Variants in ZMYM2 observed in about 807,000 individuals in gnomAD.
ZMYM2 encodes zinc finger MYM-type containing 2, also known as zinc finger MYM-type protein 2.
A neutral mutation model predicts 162.8 loss-of-function variants in ZMYM2; 56 were observed. That is an observed-to-expected ratio of 0.34 (90% CI 0.28 to 0.43). The LOEUF is 0.43. Ranked by LOEUF, ZMYM2 falls within the 20% of genes least tolerant of loss-of-function variation. The pLI is 1.00. For synonymous variants in ZMYM2, 510 were observed against 541.6 expected, an observed-to-expected ratio of 0.94 and a Z score of 0.81; for missense variants, 1,275 against 1,621.8, an observed-to-expected ratio of 0.79 and a Z score of 3.67.
intron 11 of ZMYM2, 134 bp downstream of exon 11, chr13:20,034,538 T>C: frequency 1.2e-6 from 1 of 807,430 alleles, no homozygotes; most frequent in East Asian, 3.0e-5. Context: ...TTCTACTGAC[T>C]TGTTTCGTTA....
chr13:19,981,332 C>G (rs564472712), intron 2 of ZMYM2, among the ~76,000 whole-genome samples: 1 of 152,122 alleles, frequency 6.6e-6, no homozygotes, highest in Admixed American at 6.5e-5. Flanking sequence ...AAACCCCAAA[C>G]CACATATTTG....
chr13:20,067,817 T>C (rs1246854259), intron 21 of ZMYM2, among the ~76,000 whole-genome samples: 1 of 152,212 alleles, frequency 6.6e-6, no homozygotes, highest in East Asian at 1.9e-4. Flanking sequence ...GAATTTGTTT[T>C]CTACAGTAAA....
intron 12 of ZMYM2, among the ~76,000 whole-genome samples, chr13:20,045,285 A>G (rs17075480): frequency 0.038 from 5,758 of 152,234 alleles, 369 homozygotes; most frequent in African/African-American, 0.13. Context: ...TAAAAAAAGG[A>G]AGATGCTTTC....
intron 1 of ZMYM2, among the ~76,000 whole-genome samples, chr13:19,959,469 G>A (rs1252089180): frequency 6.6e-6 from 1 of 152,134 alleles, no homozygotes; most frequent in Non-Finnish European, 1.5e-5. Flanking sequence ...GGCGGACGGG[G>A]AGGCAGCGCT....
Position 20,066,900 on chromosome 13 carries a change from C to T in ZMYM2, c.3182C>T (p.Ser1061Phe), listed in dbSNP as rs377391104. The change falls in exon 20 of 25, where the codon TCT becomes TTT. Residue 1061 changes from serine (S) to phenylalanine (F), a missense_variant. By Grantham distance (155) the Ser-to-Phe change is radical. Around this residue, in one of 10 missense-constraint regions of ZMYM2, gnomAD observed 229 missense variants for 283.8 expected, o/e 0.81. Transcript: ENST00000610343. ...VSGYQSHDDSSDNSECSFPFK... is the reference protein window; with the variant it reads ...VSGYQSHDDSFDNSECSFPFK... ...GGATACCAGTCTCATGATGATAGTT[C>T]TGACAATTCAGAATGCAGCTTTCCT... 6.2e-7 allele frequency: 1 copy of T among 1,612,570 alleles called. No individual in the cohort carries two copies. The highest frequency in any genetic ancestry group is 8.5e-7 in the Non-Finnish European group (1 of 1,179,150).
chr13:19,984,604 G>A (rs906993859), intron 2 of ZMYM2, among the ~76,000 whole-genome samples: 3 of 152,290 alleles, frequency 2.0e-5, no homozygotes, highest in South Asian at 4.1e-4. Context: ...GAAGAGTGGC[G>A]GCTACATGGA....
chr13:19,997,022 G>A (rs555001676), intron 3 of ZMYM2, among the ~76,000 whole-genome samples: 264 of 152,288 alleles, frequency 1.7e-3, no homozygotes, highest in Middle Eastern at 3.4e-3. Flanking sequence ...AGCAGCCTGC[G>A]CAACACAGTG....
At chr13:20,008,105 A>G (rs983701377) in intron 6 of ZMYM2, among the ~76,000 whole-genome samples, 2 of 152,100 alleles carry the variant, frequency 1.3e-5, no homozygotes, top group Admixed American at 6.6e-5. Context: ...GAGAGAGATT[A>G]ATTATAACTA....
intron 6 of ZMYM2, among the ~76,000 whole-genome samples, chr13:20,011,223 G>A (rs893814927): frequency 4.6e-5 from 7 of 152,018 alleles, no homozygotes; most frequent in African/African-American, 7.2e-5. Context: ...CTTTTGTTCC[G>A]GAGTTGAAGA....
intron 6 of ZMYM2, among the ~76,000 whole-genome samples, chr13:20,012,146 A>G (rs1951250995): frequency 6.6e-6 from 1 of 151,288 alleles, no homozygotes; most frequent in Admixed American, 6.6e-5. Context: ...TTGGCCTCCC[A>G]AAGTGTGAAA....
chr13:20,057,624 CTG>C (rs1012326258), intron 14 of ZMYM2, among the ~76,000 whole-genome samples: 16 of 152,136 alleles, frequency 1.1e-4, no homozygotes, highest in African/African-American at 3.1e-4. Context: ...TGCATTATAT[CTG>C]TACTGTGAGT....
the ZMYM2 span, among the ~76,000 whole-genome samples, chr13:19,886,746 T>G: frequency 6.6e-6 from 1 of 151,710 alleles, no homozygotes; most frequent in Admixed American, 6.6e-5. Flanking sequence ...CCCTCCCAGG[T>G]TCAAGTGATT....
chr13:20,039,023 T>G (rs1953989778), intron 12 of ZMYM2, among the ~76,000 whole-genome samples: 1 of 152,216 alleles, frequency 6.6e-6, no homozygotes, highest in African/African-American at 2.4e-5. Context: ...CCAGGCATTT[T>G]ATTCTTTTTG....
At chr13:20,055,630 C>G (rs1955733925) in intron 14 of ZMYM2, among the ~76,000 whole-genome samples, 1 of 152,038 alleles carries the variant, frequency 6.6e-6, no homozygotes, top group South Asian at 2.1e-4. Flanking sequence ...TTATAATGTT[C>G]TTGGTGTAAG....
chr13:20,049,096 G>T (rs1403563166), intron 12 of ZMYM2, among the ~76,000 whole-genome samples: 1 of 151,848 alleles, frequency 6.6e-6, no homozygotes, highest in Non-Finnish European at 1.5e-5. Flanking sequence ...ATGAGTGGAT[G>T]TCAAAGAAAC....
Position 20,005,225 on chromosome 13 carries a change from G to A in ZMYM2, c.1285G>A (p.Gly429Ser). ...AAATAAATCAAGATGTACAATCTGT[G>A]GTAAACTAACTGAGGTTTGTATTTT... is the stretch of plus-strand genomic sequence containing the variant. ...ALNKSRCTIC[G>S]KLTEIRHEVS... The change falls in exon 5 of 25, where the codon GGT becomes AGT. Residue 429 changes from glycine to serine, a missense_variant. Coordinates refer to ENST00000610343, the MANE Select transcript of ZMYM2 (RefSeq NM_197968.4). 1 of 1,556,858 alleles carries A rather than the reference G, an allele frequency of 6.4e-7. No homozygotes were observed. Among genetic ancestry groups the A allele is most frequent in the Non-Finnish European group, 8.6e-7 (1 of 1,159,424 alleles).
chr13:19,980,639 G>C (rs1468804757), intron 2 of ZMYM2, among the ~76,000 whole-genome samples: 1 of 150,616 alleles, frequency 6.6e-6, no homozygotes, highest in African/African-American at 2.5e-5. Flanking sequence ...TGTAATCCTA[G>C]CTACTTGGGA....
intron 6 of ZMYM2, among the ~76,000 whole-genome samples, chr13:20,012,808 A>G (rs1015651016): frequency 6.6e-5 from 10 of 152,246 alleles, no homozygotes; most frequent in South Asian, 2.1e-4. Context: ...TCTATGTTCC[A>G]CTGATCTACA....
rs1431540293 is a variant in ZMYM2, at chr13:20,000,490, C to T, written c.848-2360C>T. 5.3e-5 allele frequency among the ~76,000 whole-genome samples: 8 copies of T among 152,226 alleles called. No homozygotes were observed. In the South Asian group the frequency reaches 1.7e-3, roughly 32 times the overall value. On this transcript the variant is annotated intron_variant, in intron 3 of 24. Coordinates refer to ENST00000610343, the MANE Select transcript of ZMYM2 (RefSeq NM_197968.4). ...TATACTTAGTGACTGTAAGTTGAAG[C>T]CAGTGCTCATTTACCATTCTGAAAA...
Sources: gnomAD v4.1 joint callset for allele counts (sites outside exome capture counted in the v4.1 genomes callset) on GRCh38, gnomAD v4.1.1 for gene constraint, gnomAD v4.1.1 regional missense constraint, MANE v1.5 for transcripts, NCBI Gene and HGNC (gene_info 2026-07-23, HGNC 2026-07-21) for gene names.